LTBP2: variants seen among roughly 807,000 people sequenced by gnomAD.
LTBP2 encodes the protein latent transforming growth factor beta binding protein 2.
Under a neutral mutation model 210.6 loss-of-function variants are expected in LTBP2, and 103 were observed. The ratio of observed to expected loss-of-function variants is 0.49; its 90% CI spans 0.42 to 0.58. LTBP2 has a LOEUF of 0.58. LTBP2 is among the 20% of genes least tolerant of loss of function. The pLI is 0.00. For missense variants in LTBP2, 2,313 were observed against 2,494.5 expected (o/e 0.93, Z 1.55); for synonymous variants, 1,007 against 1,015.0 (o/e 0.99, Z 0.15).
chr14:74,577,605 T>G (rs1352331670), intron 3 of LTBP2, among the ~76,000 whole-genome samples: 1 of 151,468 alleles, frequency 6.6e-6, no homozygotes, highest in Admixed American at 6.6e-5. Context: ...ACCTCCCAGA[T>G]TCAAGCCATT....
At chr14:74,563,465 G>T (rs765775039) in intron 3 of LTBP2, among the ~76,000 whole-genome samples, 12 of 152,132 alleles carry the variant, frequency 7.9e-5, no homozygotes, top group South Asian at 6.2e-4. Flanking sequence ...GCAGAATGGG[G>T]TAATAGGCCC....
At chr14:74,536,219 C>T (rs1426584306) in intron 8 of LTBP2, among the ~76,000 whole-genome samples, 2 of 152,214 alleles carry the variant, frequency 1.3e-5, no homozygotes, top group African/African-American at 4.8e-5. Flanking sequence ...TGAAATAAGA[C>T]AGGCACAGAA....
chr14:74,501,391 T>C, intron 35 of LTBP2, 50 bp downstream of exon 35: 10 of 1,613,562 alleles, frequency 6.2e-6, no homozygotes, highest in Non-Finnish European at 8.5e-6. Context: ...TTCAGGCGTC[T>C]CTGTGGGCAG....
intron 3 of LTBP2, among the ~76,000 whole-genome samples, chr14:74,570,913 C>T (rs185555871): frequency 8.4e-4 from 128 of 152,204 alleles, no homozygotes; most frequent in African/African-American, 2.9e-3. Context: ...TTCTGATGAC[C>T]GCTGCTGCAT....
chr14:74,583,006 A>T (rs1446364797), intron 3 of LTBP2, among the ~76,000 whole-genome samples: 1 of 152,192 alleles, frequency 6.6e-6, no homozygotes, highest in Non-Finnish European at 1.5e-5. Context: ...AAGCCAGGAC[A>T]TGAGGCTCAA....
At chr14:74,517,735 C>T (rs1595248498) in intron 17 of LTBP2, among the ~76,000 whole-genome samples, 1 of 152,138 alleles carries the variant, frequency 6.6e-6, no homozygotes, top group Admixed American at 6.6e-5. Context: ...TGAGGGATTG[C>T]GTTTTAGGTA....
intron 33 of LTBP2, 36 bp downstream of exon 33, chr14:74,503,183 C>T: frequency 1.2e-6 from 2 of 1,611,018 alleles, no homozygotes. Flanking sequence ...GGGGCCTGGC[C>T]CAGCCCTGCA....
At chr14:74,518,839 T>C (rs973593000) in intron 17 of LTBP2, among the ~76,000 whole-genome samples, 1 of 152,234 alleles carries the variant, frequency 6.6e-6, no homozygotes, top group African/African-American at 2.4e-5. Flanking sequence ...CAGGCAATTC[T>C]GGAATAACTG....
At chr14:74,540,491 C>T (rs750839381) in intron 8 of LTBP2, among the ~76,000 whole-genome samples, 7 of 151,042 alleles carry the variant, frequency 4.6e-5, no homozygotes, top group Admixed American at 6.6e-5. Context: ...ATAAATAAGG[C>T]GCAGTGGCTC....
At chr14:74,520,271 G>T (rs1202190306) in intron 17 of LTBP2, among the ~76,000 whole-genome samples, 1 of 152,230 alleles carries the variant, frequency 6.6e-6, no homozygotes, top group African/African-American at 2.4e-5. Context: ...CACCCTGTGT[G>T]TAAGGGAGTG....
rs115845869 is a variant in LTBP2, at chr14:74,578,360, T to C, written c.830+7494A>G. Among the ~76,000 whole-genome samples, 265 of 152,300 alleles carry C rather than the reference T, an allele frequency of 1.7e-3. 1 individual carries two copies. Among genetic ancestry groups the C allele is most frequent in the African/African-American group, 6.0e-3 (249 of 41,558 alleles). On this transcript the variant is annotated intron_variant, in intron 3 of 35. Transcript: ENST00000261978. ...TTTCAGTAAATTCTCCCAACCATCG[T>C]AGAAGATGGACATTCATTTTCCCAC...
chr14:74,604,179 A>AAAAAAAAAAAAAC (rs1566657433), intron 1 of LTBP2, among the ~76,000 whole-genome samples: 3 of 151,240 alleles, frequency 2.0e-5, no homozygotes, highest in African/African-American at 7.3e-5. Context: ...AAAAAAAAAA[A>AAAAAAAAAAAAAC]AAAAACCACA....
chr14:74,506,287 G>T, intron 27 of LTBP2, 96 bp from the exon 28 acceptor site: 1 of 1,524,014 alleles, frequency 6.6e-7, no homozygotes, highest in Non-Finnish European at 9.1e-7. Context: ...AAGCAGGCTA[G>T]GCCTTGGGGA....
In LTBP2 at chr14:74,510,265, C is replaced by T. The variant is rs753480027; in HGVS notation, c.3029-52G>A. ...GGCTGGCCTCCTCCCCATCCTGCAGCCCCCGCTGGCAGGCTCCAAGCATCT... is the reference window on the plus strand; with the variant it reads ...GGCTGGCCTCCTCCCCATCCTGCAGTCCCCGCTGGCAGGCTCCAAGCATCT... On this transcript the variant is annotated intron_variant, in intron 19 of 35. Transcript: ENST00000261978. 6.2e-6 allele frequency: 10 copies of T among 1,606,020 alleles called. No homozygotes were observed. The African/African-American group carries it at 1.1e-4, about 17-fold the overall frequency.
rs2139733768 is a variant in LTBP2, at chr14:74,540,878, A to ATATATATTATATATATTTATATAT, written c.1790-4879_1790-4878insATATATAAATATATATAATATATA. ...TATATTATATATATTTATATATATA[A>ATATATATTATATATATTTATATAT]TATATATATTATATATTAAAAATAT... On this transcript the variant is annotated intron_variant, in intron 8 of 35. Transcript: ENST00000261978. Among the ~76,000 whole-genome samples, 5 of 98,276 alleles carry ATATATATTATATATATTTATATAT rather than the reference A, an allele frequency of 5.1e-5. No homozygotes were observed. In the South Asian group the frequency reaches 1.4e-3, roughly 27 times the overall value. 64.5% of individuals were successfully genotyped at this position (98,276 alleles called of 152,430 possible). A position where few individuals can be genotyped will look rare whatever the true frequency, so the allele number is the denominator to read the frequency against.
intron 8 of LTBP2, among the ~76,000 whole-genome samples, chr14:74,542,271 A>G (rs1234226576): frequency 2.0e-5 from 3 of 152,226 alleles, no homozygotes; most frequent in Admixed American, 6.5e-5. Flanking sequence ...AACTGAAGAA[A>G]GAAGCAGATG....
At chr14:74,557,806 G>A (rs2087747800) in intron 3 of LTBP2, among the ~76,000 whole-genome samples, 1 of 152,282 alleles carries the variant, frequency 6.6e-6, no homozygotes, top group South Asian at 2.1e-4. Flanking sequence ...CTTGCCCAAG[G>A]TTATACAAGA....
At chr14:74,528,725 AC>A (rs1038467927) in intron 11 of LTBP2, 27 bp from the exon 12 acceptor site, 6 of 1,606,842 alleles carry the variant, frequency 3.7e-6, no homozygotes, top group Non-Finnish European at 5.1e-6. Flanking sequence ...CAGAGGACAA[AC>A]TGAGAGGTGC....
chr14:74,544,744 T>C (rs923897354), intron 8 of LTBP2, among the ~76,000 whole-genome samples: 4 of 152,246 alleles, frequency 2.6e-5, no homozygotes, highest in African/African-American at 9.6e-5. Flanking sequence ...TCAATTTTCT[T>C]TGTCGACTCC....
Sources: allele counts gnomAD v4.1 joint callset (sites outside exome capture counted in the v4.1 genomes callset), GRCh38; gene constraint gnomAD v4.1.1; transcripts MANE v1.5; gene names NCBI Gene and HGNC (gene_info 2026-07-23, HGNC 2026-07-21).